NRG1: variants seen among roughly 807,000 people sequenced by gnomAD.
NRG1 encodes the protein pro-neuregulin-1, membrane-bound isoform.
Under a neutral mutation model 63.8 loss-of-function variants are expected in NRG1, and 18 were observed. The ratio of observed to expected loss-of-function variants is 0.28; its 90% CI spans 0.19 to 0.42. The LOEUF is 0.42. Ranked by LOEUF, NRG1 falls within the 10% of genes least tolerant of loss-of-function variation. The probability of loss-of-function intolerance (pLI) is 1.00; values close to 1 mark genes in which losing one functional copy is unlikely to be tolerated. For missense variants in NRG1, 762 were observed against 814.7 expected, an observed-to-expected ratio of 0.94 and a Z score of 0.79; for synonymous variants, 302 against 301.3, an observed-to-expected ratio of 1.00 and a Z score of -0.02.
Position 31,779,867 on chromosome 8 carries a change from A to G in NRG1, c.37+140436A>G, listed in dbSNP as rs1470352093. Among the ~76,000 whole-genome samples the G allele has an allele frequency of 2.6e-5, 4 of 152,370 alleles. 1 individual carries two copies. The East Asian group carries it at 7.7e-4, about 29-fold the overall frequency. Reference sequence around the variant, plus strand: ...TTCAACATGCTTAAGGTTATACCAAACAGATCACTGAAAATGAAATATGTT... The same window carrying G: ...TTCAACATGCTTAAGGTTATACCAAGCAGATCACTGAAAATGAAATATGTT... On this transcript the variant is annotated intron_variant, in intron 1 of 10. Transcript: ENST00000519301.
chr8:32,706,392 A>G (rs1189804778), intron 5 of NRG1, among the ~76,000 whole-genome samples: 1 of 152,346 alleles, frequency 6.6e-6, no homozygotes, highest in East Asian at 1.9e-4. Flanking sequence ...GAAAGAATGC[A>G]TACAGTTTTA....
intron 1 of NRG1, among the ~76,000 whole-genome samples, chr8:32,268,151 T>C (rs924594092): frequency 1.3e-5 from 2 of 152,156 alleles, no homozygotes; most frequent in African/African-American, 4.8e-5. Context: ...AGAAGTGAAT[T>C]CTGCCAACAA....
chr8:32,085,722 A>T (rs749325550), intron 1 of NRG1, among the ~76,000 whole-genome samples: 2 of 152,222 alleles, frequency 1.3e-5, no homozygotes, highest in Non-Finnish European at 2.9e-5. Flanking sequence ...ATTTAAACTC[A>T]TACCTCACCT....
chr8:32,219,130 G>A (rs867054044), intron 1 of NRG1, among the ~76,000 whole-genome samples: 1 of 152,148 alleles, frequency 6.6e-6, no homozygotes, highest in African/African-American at 2.4e-5. Context: ...ATTTCTAATT[G>A]TGTTTGATCT....
exon 12 of NRG1, chr8:32,764,995 A>G (rs1244165870): frequency 1.3e-5 from 2 of 149,192 alleles, no homozygotes; most frequent in Non-Finnish European, 3.0e-5. Context: ...GCATTAAGTA[A>G]TGTTAAATAT....
intron 1 of NRG1, among the ~76,000 whole-genome samples, chr8:31,684,523 G>A (rs1327565722): frequency 6.6e-6 from 1 of 152,114 alleles, no homozygotes; most frequent in Non-Finnish European, 1.5e-5. Flanking sequence ...CAAAGTGTCA[G>A]GTATTTTGTT....
chr8:32,373,975 GA>G (rs1341882159), intron 1 of NRG1, among the ~76,000 whole-genome samples: 1 of 152,144 alleles, frequency 6.6e-6, no homozygotes, highest in Non-Finnish European at 1.5e-5. Flanking sequence ...TTGATATTAT[GA>G]GATTATGGGT....
At chr8:32,689,345 G>A (rs947104328) in intron 5 of NRG1, among the ~76,000 whole-genome samples, 1 of 150,216 alleles carries the variant, frequency 6.7e-6, no homozygotes, top group African/African-American at 2.4e-5. Context: ...CTTCATAAAT[G>A]TGACATGATA....
chr8:32,534,565 A>T (rs1212795350), intron 1 of NRG1, among the ~76,000 whole-genome samples: 1 of 152,178 alleles, frequency 6.6e-6, no homozygotes, highest in African/African-American at 2.4e-5. Context: ...AAGTCAGGTA[A>T]GTCTAATCAA....
chr8:32,412,553 A>G (rs1408381754), intron 1 of NRG1, among the ~76,000 whole-genome samples: 2 of 150,604 alleles, frequency 1.3e-5, no homozygotes, highest in African/African-American at 4.9e-5. Context: ...TAACAATAGG[A>G]TATATTCCAA....
At chr8:32,217,915 G>A (rs926696329) in intron 1 of NRG1, among the ~76,000 whole-genome samples, 1 of 152,128 alleles carries the variant, frequency 6.6e-6, no homozygotes, top group Admixed American at 6.6e-5. Flanking sequence ...CCAGCTCCCT[G>A]CAAAGCCAGC....
At chr8:32,361,320 G>C (rs944565186) in intron 1 of NRG1, among the ~76,000 whole-genome samples, 5 of 152,056 alleles carry the variant, frequency 3.3e-5, no homozygotes, top group African/African-American at 1.2e-4. Context: ...TAGGAAGGGA[G>C]CGGGTAGAAA....
chr8:32,219,878 T>C (rs7824097), intron 1 of NRG1, among the ~76,000 whole-genome samples: 7,768 of 152,210 alleles, frequency 0.051, 335 homozygotes, highest in African/African-American at 0.11. Flanking sequence ...GCCTAAGAGA[T>C]TTTTCCACTG....
chr8:32,256,902 G>T (rs1849784286), intron 1 of NRG1, among the ~76,000 whole-genome samples: 1 of 152,150 alleles, frequency 6.6e-6, no homozygotes, highest in Non-Finnish European at 1.5e-5. Flanking sequence ...CCTTCCCCCG[G>T]GTGCTCTGTT....
At chr8:32,334,693 G>A (rs538212604) in intron 1 of NRG1, among the ~76,000 whole-genome samples, 4 of 152,186 alleles carry the variant, frequency 2.6e-5, no homozygotes, top group Non-Finnish European at 4.4e-5. Flanking sequence ...AAGTAGAATA[G>A]CTATCTGGTT....
At chr8:31,739,047 T>A (rs897134755) in intron 1 of NRG1, among the ~76,000 whole-genome samples, 1 of 152,096 alleles carries the variant, frequency 6.6e-6, no homozygotes, top group African/African-American at 2.4e-5. Flanking sequence ...TGTGCACGTA[T>A]GTGTATGTGT....
At chr8:32,508,330 G>A (rs893114048) in intron 1 of NRG1, among the ~76,000 whole-genome samples, 2 of 150,858 alleles carry the variant, frequency 1.3e-5, no homozygotes, top group African/African-American at 4.9e-5. Flanking sequence ...TCACACTGTC[G>A]CCCGGGCTGG....
intron 1 of NRG1, among the ~76,000 whole-genome samples, chr8:32,082,195 C>T (rs1210562713): frequency 1.2e-5 from 1 of 85,592 alleles, no homozygotes. Context: ...ATGTTTTCAA[C>T]CTAGTGGTTT....
intron 1 of NRG1, among the ~76,000 whole-genome samples, chr8:31,946,059 T>C (rs1802490588): frequency 6.6e-6 from 1 of 152,226 alleles, no homozygotes; most frequent in Non-Finnish European, 1.5e-5. Flanking sequence ...TGCCTAGTGT[T>C]TCATTCACTT....
Sources: allele counts gnomAD v4.1 joint callset (sites outside exome capture counted in the v4.1 genomes callset), GRCh38; gene constraint gnomAD v4.1.1; transcripts MANE v1.5; gene names NCBI Gene and HGNC (gene_info 2026-07-23, HGNC 2026-07-21).